The following LOC400499 variants were observed in gnomAD, a reference collection of about 807,000 sequenced individuals.
the LOC400499 span, among the ~76,000 whole-genome samples, chr16:11,426,679 A>C: frequency 6.6e-6 from 1 of 151,976 alleles, no homozygotes; most frequent in Non-Finnish European, 1.5e-5. Flanking sequence ...CTGTAATCCC[A>C]GCACTTTGGG....
chr16:11,479,980 A>G, the LOC400499 span, among the ~76,000 whole-genome samples: 2 of 152,270 alleles, frequency 1.3e-5, no homozygotes, highest in South Asian at 2.1e-4. Context: ...GAGATTTGAT[A>G]TAAAACCCAG....
At chr16:11,462,044 AAGGAGGCACTTGGGCCACCAC>A in the LOC400499 span, 1 of 1,303,272 alleles carries the variant, frequency 7.7e-7, no homozygotes, top group Non-Finnish European at 1.0e-6. Flanking sequence ...TGAGGACCAT[AAGGAGGCACTTGGGCCACCAC>A]ACCCTAACCT....
At chr16:11,409,068 C>G in the LOC400499 span, among the ~76,000 whole-genome samples, 1 of 151,648 alleles carries the variant, frequency 6.6e-6, no homozygotes, top group Non-Finnish European at 1.5e-5. Flanking sequence ...CAAGACCAGC[C>G]CGGCCAACGT....
At chr16:11,384,159 G>A in the LOC400499 span, 2 of 1,214,368 alleles carry the variant, frequency 1.6e-6, no homozygotes, top group Non-Finnish European at 1.0e-6. Context: ...GGACTCTGCA[G>A]TGAGCAGCCC....
chr16:11,496,125 G>A, the LOC400499 span, among the ~76,000 whole-genome samples: 2 of 150,730 alleles, frequency 1.3e-5, no homozygotes, highest in Non-Finnish European at 2.9e-5. Context: ...GGAGTCCAGT[G>A]GCACAATCTC....
chr16:11,375,872 C>G, the LOC400499 span, among the ~76,000 whole-genome samples: 2 of 151,720 alleles, frequency 1.3e-5, no homozygotes, highest in Non-Finnish European at 2.9e-5. Flanking sequence ...TGGGATTACA[C>G]GCATGCACCA....
chr16:11,379,184 G>A, the LOC400499 span, among the ~76,000 whole-genome samples: 3 of 152,170 alleles, frequency 2.0e-5, no homozygotes, highest in African/African-American at 4.8e-5. Context: ...GGAGGTGGAG[G>A]TTGCAGTGAG....
the LOC400499 span, among the ~76,000 whole-genome samples, chr16:11,418,187 T>C: frequency 1.3e-5 from 2 of 152,112 alleles, no homozygotes; most frequent in Admixed American, 6.6e-5. Context: ...ACATCTGTTG[T>C]TGTAAATAAA....
chr16:11,487,349 A>G, the LOC400499 span: 4 of 399,370 alleles, frequency 1.0e-5, no homozygotes, highest in Non-Finnish European at 1.8e-5. Flanking sequence ...GAGAGAAGAG[A>G]AGGGTCCCCT....
At chr16:11,474,447 T>C in the LOC400499 span, among the ~76,000 whole-genome samples, 2 of 152,220 alleles carry the variant, frequency 1.3e-5, no homozygotes, top group African/African-American at 4.8e-5. Context: ...TGCTTCCTAT[T>C]TTTTGTTCTA....
chr16:11,487,792 G>A, the LOC400499 span, among the ~76,000 whole-genome samples: 363 of 152,276 alleles, frequency 2.4e-3, 2 homozygotes, highest in African/African-American at 8.2e-3. Context: ...ACAGCCCTCA[G>A]CAAGCCACAG....
At chr16:11,490,302 A>G in the LOC400499 span, among the ~76,000 whole-genome samples, 3 of 148,860 alleles carry the variant, frequency 2.0e-5, no homozygotes, top group Middle Eastern at 6.9e-3. Flanking sequence ...AGGCTGAGTC[A>G]GGGGAATTGC....
At chr16:11,384,849 G>T in the LOC400499 span, 122,655 of 1,231,214 alleles carry the variant, frequency 0.1, 6,573 homozygotes, top group African/African-American at 0.17. Context: ...CAAAGAGTCC[G>T]CTGTAGGTGG....
chr16:11,480,922 T>C, the LOC400499 span, among the ~76,000 whole-genome samples: 6 of 152,216 alleles, frequency 3.9e-5, no homozygotes, highest in African/African-American at 1.2e-4. Context: ...AGCAGCACTA[T>C]TCAGTCTCCA....
chr16:11,396,879 T>C, the LOC400499 span, among the ~76,000 whole-genome samples: 2 of 152,208 alleles, frequency 1.3e-5, no homozygotes, highest in African/African-American at 4.8e-5. Context: ...CCTGCTTTGT[T>C]GTCCCAACCT....
the LOC400499 span, chr16:11,424,054 C>T: frequency 5.0e-6 from 2 of 399,214 alleles, no homozygotes; most frequent in Admixed American, 4.4e-5. Flanking sequence ...TGTTGGGTGT[C>T]CCTGGGACCC....
At chr16:11,410,321 G>A in the LOC400499 span, among the ~76,000 whole-genome samples, 9 of 152,204 alleles carry the variant, frequency 5.9e-5, no homozygotes, top group South Asian at 1.0e-3. Flanking sequence ...AGGCGTGGTG[G>A]CGCACGCCTG....
chr16:11,412,990 C>CAT, the LOC400499 span: 451 of 399,320 alleles, frequency 1.1e-3, 7 homozygotes, highest in East Asian at 0.016. Context: ...TGTGGGTGTA[C>CAT]ATAGCCTGAG....
chr16:11,385,889 C>G, the LOC400499 span, among the ~76,000 whole-genome samples: 1 of 152,260 alleles, frequency 6.6e-6, no homozygotes, highest in East Asian at 1.9e-4. Context: ...ATTCACACAT[C>G]GGCCAGGCAC....
Sources: allele counts gnomAD v4.1 joint callset (sites outside exome capture counted in the v4.1 genomes callset), GRCh38; gene constraint gnomAD v4.1.1; transcripts MANE v1.5.